Variants in TTC7A observed in about 807,000 individuals in gnomAD.
The protein encoded by TTC7A is tetratricopeptide repeat domain 7A, also known as tetratricopeptide repeat protein 7A.
A neutral mutation model predicts 103.7 loss-of-function variants in TTC7A; 110 were observed. That is an observed-to-expected ratio of 1.06 (90% CI 0.91 to 1.24). The LOEUF (loss-of-function observed/expected upper bound fraction) is 1.24, where lower values mean the gene tolerates loss of function less well. Among genes scored for constraint, TTC7A ranks in the 50% most tolerant of loss-of-function variants. The probability of loss-of-function intolerance (pLI) is 0.00; values close to 1 mark genes in which losing one functional copy is unlikely to be tolerated. For synonymous variants in TTC7A, 521 were observed against 467.9 expected (o/e 1.11, Z -1.47); for missense variants, 1,340 against 1,116.3 (o/e 1.20, Z -2.86).
At chr2:47,012,430 C>T (rs1469528660) in intron 11 of TTC7A, among the ~76,000 whole-genome samples, 1 of 152,338 alleles carries the variant, frequency 6.6e-6, no homozygotes, top group South Asian at 2.1e-4. Context: ...AAAGTGGGCA[C>T]TTCCCCTGGA....
intron 1 of TTC7A, among the ~76,000 whole-genome samples, chr2:46,946,408 C>T (rs1465198072): frequency 6.6e-6 from 1 of 151,608 alleles, no homozygotes; most frequent in East Asian, 1.9e-4. Context: ...CACCTGAATT[C>T]TTTTTTTTTA....
intron 5 of TTC7A, among the ~76,000 whole-genome samples, chr2:46,985,817 T>G (rs1674954032): frequency 6.6e-6 from 1 of 152,252 alleles, no homozygotes; most frequent in African/African-American, 2.4e-5. Flanking sequence ...TTCAGTATTT[T>G]TTTTAAATGC....
At chr2:46,918,947 A>C (rs968776941) in intron 2 of TTC7A, among the ~76,000 whole-genome samples, 6 of 152,218 alleles carry the variant, frequency 3.9e-5, no homozygotes, top group Non-Finnish European at 7.3e-5. Context: ...TACCCCATTT[A>C]CTTTGTGTAC....
chr2:47,035,086 T>G (rs1476651074), intron 15 of TTC7A, among the ~76,000 whole-genome samples: 1 of 152,184 alleles, frequency 6.6e-6, no homozygotes. Context: ...TCACCTTTTT[T>G]TCAGGTGGCG....
At chr2:46,983,777 A>C (rs1384768750) in intron 5 of TTC7A, among the ~76,000 whole-genome samples, 2 of 152,288 alleles carry the variant, frequency 1.3e-5, no homozygotes, top group Admixed American at 1.3e-4. Context: ...AAAGTCTGTA[A>C]AATTTGCTGT....
At chr2:46,962,961 G>A (rs1242830340) in intron 3 of TTC7A, among the ~76,000 whole-genome samples, 4 of 152,182 alleles carry the variant, frequency 2.6e-5, no homozygotes, top group African/African-American at 9.7e-5. Context: ...CATCTTCATG[G>A]GTGAGAACCT....
intron 2 of TTC7A, among the ~76,000 whole-genome samples, chr2:46,920,957 T>C (rs1047208278): frequency 1.3e-5 from 2 of 150,324 alleles, no homozygotes; most frequent in African/African-American, 5.0e-5. Flanking sequence ...TGACAAAATT[T>C]AATCCCTATT....
At chr2:47,047,290 C>T in intron 16 of TTC7A, 1 of 1,549,832 alleles carries the variant, frequency 6.5e-7, no homozygotes, top group Non-Finnish European at 8.7e-7. Flanking sequence ...CAGAAGGCTT[C>T]CAGACTCCCC....
intron 3 of TTC7A, among the ~76,000 whole-genome samples, chr2:46,963,578 G>A (rs1212796090): frequency 6.6e-6 from 1 of 152,192 alleles, no homozygotes; most frequent in Admixed American, 6.5e-5. Flanking sequence ...CATGCCTCTG[G>A]GGATCAGTTT....
At chr2:46,966,607 A>G (rs1672871255) in intron 3 of TTC7A, among the ~76,000 whole-genome samples, 1 of 148,462 alleles carries the variant, frequency 6.7e-6, no homozygotes. Flanking sequence ...TTTTTTTGCC[A>G]TTATAAATAA....
At chr2:47,036,926 G>A (rs541652050) in intron 15 of TTC7A, among the ~76,000 whole-genome samples, 1 of 152,326 alleles carries the variant, frequency 6.6e-6, no homozygotes, top group East Asian at 1.9e-4. Context: ...AGATCACTCA[G>A]CATATCCCCC....
rs553083375 is a variant in TTC7A, at chr2:46,946,216, G to A, written c.185-4147G>A. 5.9e-5 allele frequency among the ~76,000 whole-genome samples: 9 copies of A among 152,228 alleles called. No homozygotes were observed. In the East Asian group the frequency reaches 1.4e-3, roughly 23 times the overall value. On this transcript the variant is annotated intron_variant, in intron 1 of 19. Transcript: ENST00000319190. Reference sequence around the variant, plus strand: ...TGCTGAGGGCAAGGTGCTGAGCAGGGCTGCAGAATCAGCACCCAGAGTCAG... The same window carrying A: ...TGCTGAGGGCAAGGTGCTGAGCAGGACTGCAGAATCAGCACCCAGAGTCAG...
At chr2:46,953,920 C>G (rs919370597) in intron 2 of TTC7A, among the ~76,000 whole-genome samples, 1 of 151,292 alleles carries the variant, frequency 6.6e-6, no homozygotes, top group Non-Finnish European at 1.5e-5. Context: ...GCCTTGGTCT[C>G]CCAAAGTGCT....
chr2:47,063,496 G>T (rs551909106), intron 19 of TTC7A, among the ~76,000 whole-genome samples: 1 of 152,358 alleles, frequency 6.6e-6, no homozygotes, highest in African/African-American at 2.4e-5. Flanking sequence ...TTCTAGGTCA[G>T]TTTCACATTT....
At chr2:47,008,860 G>C (rs1351818062) in intron 10 of TTC7A, among the ~76,000 whole-genome samples, 1 of 151,496 alleles carries the variant, frequency 6.6e-6, no homozygotes, top group African/African-American at 2.4e-5. Context: ...CTTGCTCTCT[G>C]TGCGGCAATT....
chr2:46,945,044 G>T (rs1670814632), intron 1 of TTC7A, among the ~76,000 whole-genome samples: 1 of 152,156 alleles, frequency 6.6e-6, no homozygotes, highest in Admixed American at 6.5e-5. Context: ...AAAAAAATTT[G>T]CAGTGAACAC....
intron 15 of TTC7A, chr2:47,040,317 G>GGT (rs1014822336): frequency 7.9e-5 from 12 of 152,272 alleles, no homozygotes; most frequent in African/African-American, 2.9e-4. Flanking sequence ...AAGCGCATGG[G>GGT]GTGTTTACAC....
intron 19 of TTC7A, among the ~76,000 whole-genome samples, chr2:47,071,471 T>C (rs1684706941): frequency 2.0e-5 from 3 of 152,166 alleles, no homozygotes; most frequent in Admixed American, 2.0e-4. Flanking sequence ...GGCGCTGCTG[T>C]TTGCTGTCTG....
At chr2:46,958,783 C>T (rs959658632) in intron 3 of TTC7A, among the ~76,000 whole-genome samples, 1 of 152,192 alleles carries the variant, frequency 6.6e-6, no homozygotes, top group African/African-American at 2.4e-5. Context: ...GTTGATCTGC[C>T]TGGGTTTGGG....
Sources: allele counts gnomAD v4.1 joint callset (sites outside exome capture counted in the v4.1 genomes callset), GRCh38; gene constraint gnomAD v4.1.1; transcripts MANE v1.5; gene names NCBI Gene and HGNC (gene_info 2026-07-23, HGNC 2026-07-21).